TMEM232: variants seen among roughly 807,000 people sequenced by gnomAD.
TMEM232 encodes transmembrane protein 232.
A neutral mutation model predicts 78.8 loss-of-function variants in TMEM232; 80 were observed. The ratio of observed to expected loss-of-function variants is 1.01; its 90% CI spans 0.85 to 1.22. The LOEUF is 1.22. TMEM232 is among the 50% of genes most tolerant of loss of function. The pLI is 0.00. For synonymous variants in TMEM232, 297 were observed against 254.3 expected, an observed-to-expected ratio of 1.17 and a Z score of -1.60; for missense variants, 881 against 742.2, an observed-to-expected ratio of 1.19 and a Z score of -2.17.
chr5:110,634,670 A>G (rs1272632421), intron 5 of TMEM232, among the ~76,000 whole-genome samples: 5 of 152,090 alleles, frequency 3.3e-5, no homozygotes, highest in Admixed American at 1.3e-4. Context: ...AAAGCACAAT[A>G]TACTGAAACC....
At chr5:110,544,892 T>G (rs990398000) in intron 11 of TMEM232, among the ~76,000 whole-genome samples, 1 of 152,102 alleles carries the variant, frequency 6.6e-6, no homozygotes, top group Non-Finnish European at 1.5e-5. Context: ...GGCCCTATCT[T>G]TGTCTGCACT....
intron 11 of TMEM232, among the ~76,000 whole-genome samples, chr5:110,545,145 T>A (rs1327303785): frequency 6.6e-6 from 1 of 152,082 alleles, no homozygotes; most frequent in African/African-American, 2.4e-5. Flanking sequence ...TAAATGTTAG[T>A]TCCTTGTTTA....
chr5:110,399,804 C>T (rs1211638639), intron 2 of TMEM232, among the ~76,000 whole-genome samples: 3 of 152,110 alleles, frequency 2.0e-5, no homozygotes, highest in Non-Finnish European at 2.9e-5. Context: ...CCTGGTTGCC[C>T]TTCCTTACCA....
chr5:110,738,269 T>TA (rs1561593171), upstream of TMEM232: 1 of 1,280,964 alleles, frequency 7.8e-7, no homozygotes, highest in East Asian at 5.7e-5. Flanking sequence ...CGCTCTACAG[T>TA]AGTCCTCTCA....
intron 12 of TMEM232, among the ~76,000 whole-genome samples, chr5:110,458,730 A>G (rs1273904842): frequency 1.3e-5 from 2 of 152,224 alleles, no homozygotes; most frequent in Admixed American, 6.5e-5. Flanking sequence ...AAGACTATAT[A>G]TTTTTAAGCT....
chr5:110,463,739 T>C (rs577014233), intron 12 of TMEM232, among the ~76,000 whole-genome samples: 1 of 152,318 alleles, frequency 6.6e-6, no homozygotes, highest in South Asian at 2.1e-4. Context: ...TTGGCAAATA[T>C]GGTTAGTTCT....
upstream of TMEM232, among the ~76,000 whole-genome samples, chr5:110,729,765 T>C (rs369281805): frequency 1.5e-4 from 22 of 151,658 alleles, no homozygotes; most frequent in South Asian, 1.5e-3. Context: ...TAGAACAGCA[T>C]TTTTTTTTCC....
In TMEM232 at chr5:110,724,166, T is replaced by C. The variant is rs576608602; in HGVS notation, c.-13+2461A>G. On this transcript the variant is annotated intron_variant, in intron 1 of 13. Coordinates refer to ENST00000455884, the MANE Select transcript of TMEM232 (RefSeq NM_001039763.4). ...TAATAACTCTTGCATGGGACTTTAT[T>C]GTTTGCAAAGTACTTTCACATACTT... Among the ~76,000 whole-genome samples the C allele has an allele frequency of 2.1e-3, 322 of 152,340 alleles. 2 individuals carry two copies. The highest frequency in any genetic ancestry group is 7.4e-3 in the African/African-American group (307 of 41,592).
At chr5:110,402,424 T>C (rs1015843110) in intron 2 of TMEM232, among the ~76,000 whole-genome samples, 6 of 152,106 alleles carry the variant, frequency 3.9e-5, no homozygotes, top group African/African-American at 1.4e-4. Context: ...AAGCATATTA[T>C]GGAATGGCTA....
intron 12 of TMEM232, among the ~76,000 whole-genome samples, chr5:110,438,190 A>ATT (rs1758640608): frequency 1.2e-5 from 1 of 81,140 alleles, no homozygotes; most frequent in Non-Finnish European, 1.9e-5. Flanking sequence ...TTTTGAGTAA[A>ATT]TTCAACTCCA....
chr5:110,632,189 C>G (rs528857431), intron 5 of TMEM232, among the ~76,000 whole-genome samples: 1 of 152,194 alleles, frequency 6.6e-6, no homozygotes, highest in South Asian at 2.1e-4. Context: ...TGCATGTACT[C>G]AGAACCAAAT....
intron 10 of TMEM232, among the ~76,000 whole-genome samples, chr5:110,575,235 A>G (rs1026038772): frequency 2.0e-5 from 3 of 152,094 alleles, no homozygotes; most frequent in Non-Finnish European, 4.4e-5. Context: ...TATCATCATT[A>G]TTGATCATTA....
At chr5:110,666,530 G>T (rs931456659) in intron 2 of TMEM232, 2 of 151,936 alleles carry the variant, frequency 1.3e-5, no homozygotes, top group South Asian at 4.2e-4. Context: ...GTATATTTAG[G>T]TCCTGTTGCT....
intron 11 of TMEM232, 126 bp from the exon 12 acceptor site, chr5:110,528,961 G>A (rs1454737174): frequency 2.1e-5 from 20 of 945,572 alleles, no homozygotes; most frequent in Non-Finnish European, 2.6e-5. Flanking sequence ...TTCCTGTTAA[G>A]TAAAAATAAT....
intron 13 of TMEM232, among the ~76,000 whole-genome samples, 165 bp from the exon 14 acceptor site, chr5:110,420,921 C>T (rs1195946645): frequency 3.3e-5 from 5 of 151,552 alleles, no homozygotes; most frequent in African/African-American, 1.2e-4. Context: ...ACATGTGTCA[C>T]CTATTAGAAT....
chr5:110,504,387 G>T (rs1254151248), intron 12 of TMEM232, among the ~76,000 whole-genome samples: 1 of 152,148 alleles, frequency 6.6e-6, no homozygotes, highest in African/African-American at 2.4e-5. Context: ...CAGCAAAGCT[G>T]CAGAATTGAA....
At chr5:110,445,416 A>G (rs1271357466) in intron 12 of TMEM232, among the ~76,000 whole-genome samples, 1 of 152,040 alleles carries the variant, frequency 6.6e-6, no homozygotes, top group Non-Finnish European at 1.5e-5. Context: ...ACCCCACCAA[A>G]TTTTCCTCAT....
chr5:110,429,490 A>T (rs1157814283), intron 12 of TMEM232, among the ~76,000 whole-genome samples: 1 of 151,756 alleles, frequency 6.6e-6, no homozygotes, highest in African/African-American at 2.4e-5. Context: ...GTTAGGCAGG[A>T]GATATTCCCC....
At chr5:110,687,109 C>A (rs1299758190) in intron 1 of TMEM232, among the ~76,000 whole-genome samples, 4 of 152,244 alleles carry the variant, frequency 2.6e-5, no homozygotes, top group East Asian at 1.9e-4. Context: ...CTCCTTCTGA[C>A]CTTTCTTCCC....
Sources: allele counts gnomAD v4.1 joint callset (sites outside exome capture counted in the v4.1 genomes callset), GRCh38; gene constraint gnomAD v4.1.1; transcripts MANE v1.5; gene names NCBI Gene and HGNC (gene_info 2026-07-23, HGNC 2026-07-21).